AKIRIN2: variants seen among roughly 807,000 people sequenced by gnomAD.
AKIRIN2 encodes akirin-2.
A neutral mutation model predicts 29.3 loss-of-function variants in AKIRIN2; 6 were observed. The ratio of observed to expected loss-of-function variants is 0.20; its 90% CI spans 0.11 to 0.40. AKIRIN2 has a LOEUF of 0.40. Among genes scored for constraint, AKIRIN2 ranks in the 10% least tolerant of loss-of-function variants. The probability of loss-of-function intolerance (pLI) is 1.00; values close to 1 mark genes in which losing one functional copy is unlikely to be tolerated. For missense variants in AKIRIN2, 210 were observed against 276.1 expected (o/e 0.76, Z 1.70); for synonymous variants, 128 against 117.5 (o/e 1.09, Z -0.58).
intron 2 of AKIRIN2, among the ~76,000 whole-genome samples, chr6:87,678,859 G>A (rs745594412): frequency 2.0e-5 from 3 of 152,142 alleles, no homozygotes; most frequent in Non-Finnish European, 4.4e-5. Flanking sequence ...AAATACGCCG[G>A]GCATGGTGGC....
intron 1 of AKIRIN2, among the ~76,000 whole-genome samples, chr6:87,697,073 C>G (rs942824445): frequency 5.3e-5 from 8 of 151,504 alleles, no homozygotes; most frequent in African/African-American, 1.9e-4. Flanking sequence ...CTGTGTGAGG[C>G]CAAGGCAGTT....
chr6:87,691,802 G>A (rs997689447), intron 1 of AKIRIN2, among the ~76,000 whole-genome samples: 5 of 152,230 alleles, frequency 3.3e-5, no homozygotes, highest in African/African-American at 1.2e-4. Flanking sequence ...AGTCACTGAT[G>A]ACCTGACAGG....
At chr6:87,677,587 G>T (rs1771041436) in intron 3 of AKIRIN2, among the ~76,000 whole-genome samples, 1 of 135,438 alleles carries the variant, frequency 7.4e-6, no homozygotes, top group Admixed American at 7.2e-5. Flanking sequence ...TTTTAGTACA[G>T]GGTACCTACT....
intron 1 of AKIRIN2, among the ~76,000 whole-genome samples, chr6:87,687,680 A>C (rs1771210626): frequency 6.6e-6 from 1 of 152,182 alleles, no homozygotes; most frequent in Admixed American, 6.6e-5. Context: ...ATGATTACTT[A>C]TTTGAAAGAA....
chr6:87,690,861 T>C (rs1166841148), intron 1 of AKIRIN2, among the ~76,000 whole-genome samples: 3 of 151,940 alleles, frequency 2.0e-5, no homozygotes, highest in Admixed American at 6.6e-5. Flanking sequence ...TAATCCCAGC[T>C]ACTAGGGAAG....
intron 1 of AKIRIN2, 30 bp downstream of exon 1, chr6:87,701,420 T>C: frequency 6.5e-7 from 1 of 1,529,776 alleles, no homozygotes; most frequent in South Asian, 1.2e-5. Context: ...TTCTCTCCAC[T>C]ACCCCGGCGG....
rs193022195 is a variant in AKIRIN2, at chr6:87,676,721, A to T, written c.530-790T>A. Among the ~76,000 whole-genome samples the T allele has an allele frequency of 9.1e-3, 1,382 of 151,818 alleles. 16 individuals are homozygous for T. Among genetic ancestry groups the T allele is most frequent in the African/African-American group, 0.032 (1,314 of 41,316 alleles). ...CTTGAGCCCGGGAGGCAGAGGTTGCAGTGAGCCAAGATCGTGCCACTGCAC... is the reference window on the plus strand; with the variant it reads ...CTTGAGCCCGGGAGGCAGAGGTTGCTGTGAGCCAAGATCGTGCCACTGCAC... On this transcript the variant is annotated intron_variant, in intron 3 of 4. Coordinates refer to ENST00000257787, the MANE Select transcript of AKIRIN2 (RefSeq NM_018064.4).
At chr6:87,695,759 G>A (rs1165200732) in intron 1 of AKIRIN2, among the ~76,000 whole-genome samples, 3 of 152,144 alleles carry the variant, frequency 2.0e-5, no homozygotes, top group African/African-American at 4.8e-5. Context: ...CTTTTATAAA[G>A]AGAAAAATCT....
Position 87,701,626 on chromosome 6 carries a change from G to A in AKIRIN2, c.59C>T (p.Ala20Val). The A allele has an allele frequency of 6.9e-7, 1 of 1,459,794 alleles. No homozygotes were observed. 90.4% of individuals were successfully genotyped at this position (1,459,794 alleles called of 1,614,324 possible). A position where few individuals can be genotyped will look rare whatever the true frequency, so the allele number is the denominator to read the frequency against. The change falls in exon 1 of 5, where the codon GCG becomes GTG. Residue 20 changes from alanine to valine, a missense_variant. This residue lies in a region of AKIRIN2 where 199 missense variants were observed against 236.5 expected (regional missense o/e 0.84). Coordinates refer to ENST00000257787, the MANE Select transcript of AKIRIN2 (RefSeq NM_018064.4). The stretch of plus-strand genomic sequence containing the variant: ...CGCACATCGCCTGCGCTTCGGGGAC[G>A]CCGGGCTCAACAGCGGGTCGAAATC... ...TLDFDPLLSP[A>V]SPKRRRCAPL... is the part of the protein sequence containing the mutation.
intron 1 of AKIRIN2, among the ~76,000 whole-genome samples, chr6:87,700,208 ATGG>A (rs1241799939): frequency 6.6e-6 from 1 of 151,622 alleles, no homozygotes; most frequent in Non-Finnish European, 1.5e-5. Flanking sequence ...AATAGCAAAA[ATGG>A]TAGCTTGCAT....
Position 87,701,734 on chromosome 6 carries a change from A to T in AKIRIN2, c.-50T>A, listed in dbSNP as rs563796475. 2.3e-6 allele frequency: 3 copies of T among 1,305,732 alleles called. No homozygotes were observed. In the South Asian group the frequency reaches 5.1e-5, roughly 22 times the overall value. 80.9% of individuals were successfully genotyped at this position (1,305,732 alleles called of 1,614,324 possible). A position where few individuals can be genotyped will look rare whatever the true frequency, so the allele number is the denominator to read the frequency against. On this transcript the variant is annotated 5_prime_UTR_variant, in exon 1 of 5. Transcript: ENST00000257787. ...GCTCGGGTGGGGTCGGGGACGGGTG[A>T]CGAAAGAAGAGGGTGAGGGAAGGGG...
intron 1 of AKIRIN2, among the ~76,000 whole-genome samples, chr6:87,682,431 T>C (rs562548991): frequency 6.6e-6 from 1 of 152,314 alleles, no homozygotes; most frequent in South Asian, 2.1e-4. Flanking sequence ...AGAACCACTA[T>C]ACCACAGTGC....
intron 2 of AKIRIN2, among the ~76,000 whole-genome samples, chr6:87,678,726 A>G (rs1771067278): frequency 6.6e-6 from 1 of 152,206 alleles, no homozygotes; most frequent in African/African-American, 2.4e-5. Context: ...TTATGCCTGT[A>G]AAAAGACACT....
chr6:87,700,980 G>A (rs1490748287), intron 1 of AKIRIN2: 1 of 135,968 alleles, frequency 7.4e-6, no homozygotes, highest in Non-Finnish European at 1.5e-5. Context: ...TGTCTGAACT[G>A]AAGGAGGGGC....
At chr6:87,694,508 C>T (rs1462413361) in intron 1 of AKIRIN2, among the ~76,000 whole-genome samples, 1 of 152,090 alleles carries the variant, frequency 6.6e-6, no homozygotes, top group East Asian at 1.9e-4. Flanking sequence ...AAATGAGGTT[C>T]ATAAGGGTTC....
chr6:87,689,258 T>C (rs1158149072), intron 1 of AKIRIN2, among the ~76,000 whole-genome samples: 1 of 152,098 alleles, frequency 6.6e-6, no homozygotes, highest in African/African-American at 2.4e-5. Context: ...TCCCAGCACT[T>C]TGGGAAGCCG....
intron 3 of AKIRIN2, among the ~76,000 whole-genome samples, chr6:87,676,842 C>T (rs2128300472): frequency 6.7e-6 from 1 of 150,352 alleles, no homozygotes; most frequent in African/African-American, 2.4e-5. Flanking sequence ...TTTGAGAGGC[C>T]AAGGCGGGCA....
chr6:87,698,744 C>T (rs1771410680), intron 1 of AKIRIN2, among the ~76,000 whole-genome samples: 1 of 152,128 alleles, frequency 6.6e-6, no homozygotes, highest in South Asian at 2.1e-4. Context: ...TCAGCTAGTC[C>T]TTCCTTTTTC....
In AKIRIN2 at chr6:87,695,956, T is replaced by C. The variant is rs557342106; in HGVS notation, c.235+5494A>G. 4.0e-4 allele frequency among the ~76,000 whole-genome samples: 61 copies of C among 152,162 alleles called. 1 individual carries two copies. The South Asian group carries it at 0.012, about 29-fold the overall frequency. On this transcript the variant is annotated intron_variant, in intron 1 of 4. Coordinates refer to ENST00000257787, the MANE Select transcript of AKIRIN2 (RefSeq NM_018064.4). Reference sequence around the variant, plus strand: ...ACTTTGGGAGGCTGAAGCGGGCAGATTGCTTGAGCCCCAGGAGTTTGAAAC... The same window carrying C: ...ACTTTGGGAGGCTGAAGCGGGCAGACTGCTTGAGCCCCAGGAGTTTGAAAC...
Sources: gnomAD v4.1 joint callset for allele counts (sites outside exome capture counted in the v4.1 genomes callset) on GRCh38, gnomAD v4.1.1 for gene constraint, gnomAD v4.1.1 regional missense constraint, MANE v1.5 for transcripts, NCBI Gene and HGNC (gene_info 2026-07-23, HGNC 2026-07-21) for gene names.